XKR6: variants seen among roughly 807,000 people sequenced by gnomAD.
XKR6 encodes XK related 6, also known as XK-related protein 6.
Under a neutral mutation model 56.7 loss-of-function variants are expected in XKR6, and 22 were observed. The ratio of observed to expected loss-of-function variants is 0.39; its 90% CI spans 0.28 to 0.55. XKR6 has a LOEUF of 0.55. Among genes scored for constraint, XKR6 ranks in the 20% least tolerant of loss-of-function variants. The probability of loss-of-function intolerance (pLI) is 0.66; values close to 1 mark genes in which losing one functional copy is unlikely to be tolerated. For missense variants in XKR6, 852 were observed against 889.0 expected (o/e 0.96, Z 0.53); for synonymous variants, 524 against 387.8 (o/e 1.35, Z -4.13).
intron 1 of XKR6, among the ~76,000 whole-genome samples, chr8:11,144,004 G>A (rs7018157): frequency 6.6e-6 from 1 of 151,798 alleles, no homozygotes; most frequent in Non-Finnish European, 1.5e-5. Flanking sequence ...GTGTCCCTGG[G>A]GTCTCTCCCT....
At chr8:11,001,628 C>T (rs1798241385) in intron 1 of XKR6, among the ~76,000 whole-genome samples, 1 of 152,222 alleles carries the variant, frequency 6.6e-6, no homozygotes, top group Admixed American at 6.5e-5. Flanking sequence ...CAGCAGGGCC[C>T]CCCATTCCTG....
At chr8:11,173,352 T>A (rs186468135) in intron 1 of XKR6, among the ~76,000 whole-genome samples, 4,181 of 141,964 alleles carry the variant, frequency 0.029, 108 homozygotes, top group East Asian at 0.09. Flanking sequence ...TTAAAAAAAA[T>A]ATATATATAT....
At chr8:10,902,613 G>A (rs1170094885) in intron 2 of XKR6, among the ~76,000 whole-genome samples, 1 of 152,234 alleles carries the variant, frequency 6.6e-6, no homozygotes, top group Non-Finnish European at 1.5e-5. Context: ...GTGGGAGCCT[G>A]TTCTGGTGCC....
At chr8:11,095,660 T>C (rs188856622) in intron 1 of XKR6, among the ~76,000 whole-genome samples, 127 of 152,322 alleles carry the variant, frequency 8.3e-4, no homozygotes, top group Admixed American at 2.9e-3. Flanking sequence ...AAAATATATA[T>C]GTATATATCA....
chr8:11,123,986 G>A, intron 1 of XKR6: 1 of 456,152 alleles, frequency 2.2e-6, no homozygotes, highest in South Asian at 1.5e-5. Flanking sequence ...ACTGCCGTGA[G>A]CAGCCTCTCT....
intron 1 of XKR6, among the ~76,000 whole-genome samples, chr8:10,952,460 T>A (rs191006855): frequency 4.1e-4 from 62 of 152,316 alleles, no homozygotes; most frequent in African/African-American, 1.5e-3. Context: ...TGTTTTTTCT[T>A]TTCTTTTGTT....
chr8:11,102,677 G>C (rs753126928), intron 1 of XKR6, among the ~76,000 whole-genome samples: 3 of 152,132 alleles, frequency 2.0e-5, no homozygotes, highest in Non-Finnish European at 2.9e-5. Context: ...GCCACTGAAA[G>C]GCTACTTCAG....
chr8:10,953,934 T>A (rs780024497), intron 1 of XKR6, among the ~76,000 whole-genome samples: 1 of 152,262 alleles, frequency 6.6e-6, no homozygotes, highest in Non-Finnish European at 1.5e-5. Flanking sequence ...CTTTTGTGGC[T>A]GGCTTCTTTC....
At chr8:11,182,534 C>G (rs997813111) in intron 1 of XKR6, among the ~76,000 whole-genome samples, 1 of 152,218 alleles carries the variant, frequency 6.6e-6, no homozygotes, top group African/African-American at 2.4e-5. Context: ...AGAGGCATAT[C>G]TTGAAGTCAG....
intron 1 of XKR6, among the ~76,000 whole-genome samples, chr8:10,958,336 C>T (rs1453228073): frequency 1.3e-5 from 2 of 152,162 alleles, no homozygotes; most frequent in Non-Finnish European, 2.9e-5. Context: ...TCTTTAGAGC[C>T]GGCACTAATG....
At chr8:11,096,295 G>T (rs1798260882) in intron 1 of XKR6, among the ~76,000 whole-genome samples, 1 of 152,122 alleles carries the variant, frequency 6.6e-6, no homozygotes, top group Non-Finnish European at 1.5e-5. Flanking sequence ...GGATAAGCTG[G>T]CATGCATCCA....
At chr8:11,163,674 ACCCCAGACCACATTTCTACC>A (rs1801934065) in intron 1 of XKR6, among the ~76,000 whole-genome samples, 1 of 152,168 alleles carries the variant, frequency 6.6e-6, no homozygotes, top group Non-Finnish European at 1.5e-5. Context: ...GTGGTCTGCT[ACCCCAGACCACATTTCTACC>A]GCACTGACTT....
At chr8:10,904,420 G>A (rs186047774) in intron 2 of XKR6, among the ~76,000 whole-genome samples, 1 of 152,232 alleles carries the variant, frequency 6.6e-6, no homozygotes, top group Non-Finnish European at 1.5e-5. Flanking sequence ...GAGCCAGAAA[G>A]GCAGTCATCA....
At chr8:10,921,980 T>G (rs532591872) in intron 2 of XKR6, among the ~76,000 whole-genome samples, 7 of 152,306 alleles carry the variant, frequency 4.6e-5, no homozygotes, top group Admixed American at 1.3e-4. Flanking sequence ...ATTGAGGGCC[T>G]TACAAAAGAG....
intron 1 of XKR6, among the ~76,000 whole-genome samples, chr8:11,027,158 T>C (rs1439641478): frequency 6.6e-6 from 1 of 152,198 alleles, no homozygotes; most frequent in African/African-American, 2.4e-5. Context: ...CTGAATACAG[T>C]AGGCAGTTGT....
chr8:10,981,362 C>T (rs971958672), intron 1 of XKR6, among the ~76,000 whole-genome samples: 1 of 152,088 alleles, frequency 6.6e-6, no homozygotes, highest in Non-Finnish European at 1.5e-5. Flanking sequence ...CCCATGGAGG[C>T]CTCACCAGAA....
rs115715632 is a variant in XKR6 at position 10,969,903 on chromosome 8, C to A, written c.765-45073G>T. On this transcript the variant is annotated intron_variant, in intron 1 of 2. Coordinates refer to ENST00000416569, the MANE Select transcript of XKR6 (RefSeq NM_173683.4). ...GATATGCTGCCGTCCCGCCTCTCAC[C>A]CATGTGAGGAACAGGCAAATGCTCC... 6.5e-3 allele frequency among the ~76,000 whole-genome samples: 996 copies of A among 152,354 alleles called. 8 individuals carry two copies. The highest frequency in any genetic ancestry group is 0.022 in the African/African-American group (930 of 41,590).
intron 1 of XKR6, among the ~76,000 whole-genome samples, chr8:10,927,947 T>A (rs1358272628): frequency 1.3e-5 from 2 of 152,336 alleles, no homozygotes; most frequent in East Asian, 3.9e-4. Context: ...TAGTAGGGAC[T>A]GATCACAGCC....
intron 1 of XKR6, among the ~76,000 whole-genome samples, chr8:11,149,426 C>T (rs1801155570): frequency 6.6e-6 from 1 of 152,186 alleles, no homozygotes; most frequent in South Asian, 2.1e-4. Context: ...GTCTGCTGTA[C>T]ACCAAAATGT....
Sources: gnomAD v4.1 joint callset for allele counts (sites outside exome capture counted in the v4.1 genomes callset) on GRCh38, gnomAD v4.1.1 for gene constraint, MANE v1.5 for transcripts, NCBI Gene and HGNC (gene_info 2026-07-23, HGNC 2026-07-21) for gene names.